The following ADAMTS18 variants were observed in gnomAD, a reference collection of about 807,000 sequenced individuals.
ADAMTS18 encodes ADAM metallopeptidase with thrombospondin type 1 motif 18, also known as A disintegrin and metalloproteinase with thrombospondin motifs 18.
ADAMTS18 carries 157 observed loss-of-function variants against 165.9 expected under a neutral mutation model. That is an observed-to-expected ratio of 0.95 (90% confidence interval 0.83 to 1.08). The LOEUF is 1.08. Among genes scored for constraint, ADAMTS18 ranks in the 50% least tolerant of loss-of-function variants. ADAMTS18 has a pLI of 0.00. For missense variants in ADAMTS18, 2,040 were observed against 1,534.0 expected (o/e 1.33, Z -5.51); for synonymous variants, 782 against 578.2 (o/e 1.35, Z -5.06).
intron 3 of ADAMTS18, among the ~76,000 whole-genome samples, chr16:77,426,924 G>A (rs1225147727): frequency 1.3e-5 from 2 of 152,172 alleles, no homozygotes; most frequent in Non-Finnish European, 2.9e-5. Flanking sequence ...TGAGTTGGGA[G>A]TATTGCTTAA....
intron 2 of ADAMTS18, among the ~76,000 whole-genome samples, chr16:77,433,621 C>T (rs2057764648): frequency 6.6e-6 from 1 of 152,120 alleles, no homozygotes; most frequent in Non-Finnish European, 1.5e-5. Flanking sequence ...TCCATCCTGC[C>T]CCACTCCCCA....
At chr16:77,335,313 G>C (rs930796073) in intron 12 of ADAMTS18, among the ~76,000 whole-genome samples, 1 of 151,014 alleles carries the variant, frequency 6.6e-6, no homozygotes, top group Non-Finnish European at 1.5e-5. Context: ...TAGAGCTAGA[G>C]AGTGCATTGA....
intron 16 of ADAMTS18, among the ~76,000 whole-genome samples, chr16:77,303,700 A>C (rs910553698): frequency 1.1e-4 from 16 of 152,158 alleles, no homozygotes; most frequent in African/African-American, 3.9e-4. Context: ...AGACAGATTC[A>C]TATATTAAAA....
intron 10 of ADAMTS18, among the ~76,000 whole-genome samples, chr16:77,344,967 A>T (rs1394628593): frequency 2.6e-5 from 4 of 152,134 alleles, no homozygotes; most frequent in Non-Finnish European, 5.9e-5. Context: ...TATTCAAATA[A>T]CTTTCCCTTA....
intron 10 of ADAMTS18, among the ~76,000 whole-genome samples, chr16:77,353,476 T>C (rs932011307): frequency 2.0e-5 from 3 of 152,130 alleles, no homozygotes; most frequent in East Asian, 1.9e-4. Context: ...GGTTTACTAG[T>C]AGGGATAAAG....
intron 19 of ADAMTS18, 117 bp downstream of exon 19, chr16:77,294,806 C>T: frequency 9.8e-7 from 1 of 1,015,582 alleles, no homozygotes; most frequent in East Asian, 2.6e-5. Context: ...GGCACATGAA[C>T]TCAGGGTGAT....
chr16:77,353,373 G>T (rs1183086649), intron 10 of ADAMTS18, among the ~76,000 whole-genome samples: 1 of 152,172 alleles, frequency 6.6e-6, no homozygotes, highest in Non-Finnish European at 1.5e-5. Context: ...ATTTGGGTAT[G>T]GTGATGATTT....
intron 12 of ADAMTS18, among the ~76,000 whole-genome samples, chr16:77,332,066 A>G (rs1490408020): frequency 6.6e-6 from 1 of 152,192 alleles, no homozygotes; most frequent in African/African-American, 2.4e-5. Flanking sequence ...CTCAGTTGAC[A>G]TAGGTACTAT....
chr16:77,367,387 A>T, intron 4 of ADAMTS18, 54 bp downstream of exon 4: 1 of 1,610,508 alleles, frequency 6.2e-7, no homozygotes, highest in Non-Finnish European at 8.5e-7. Flanking sequence ...AGCACTCAGG[A>T]AAACCTGTCG....
chr16:77,433,023 A>G (rs1031706526), intron 2 of ADAMTS18, among the ~76,000 whole-genome samples: 14 of 152,196 alleles, frequency 9.2e-5, no homozygotes, highest in African/African-American at 3.4e-4. Flanking sequence ...ATATTTTACA[A>G]TAATGGGGGG....
rs539911989 is a variant in ADAMTS18 at position 77,412,462 on chromosome 16, C to G, written c.495+18833G>C. ...GCCTCAGCCTACCAAGTAGCTAGTACTACAGAAGTATGCCACCATACCCAG... is the reference window on the plus strand; with the variant it reads ...GCCTCAGCCTACCAAGTAGCTAGTAGTACAGAAGTATGCCACCATACCCAG... On this transcript the variant is annotated intron_variant, in intron 3 of 22. Coordinates refer to ENST00000282849, the MANE Select transcript of ADAMTS18 (RefSeq NM_199355.4). 5.9e-5 allele frequency among the ~76,000 whole-genome samples: 9 copies of G among 152,264 alleles called. No individual in the cohort carries two copies. The South Asian group carries it at 1.7e-3, about 28-fold the overall frequency.
chr16:77,392,912 G>C (rs1485230377), intron 3 of ADAMTS18, among the ~76,000 whole-genome samples: 1 of 152,148 alleles, frequency 6.6e-6, no homozygotes, highest in Non-Finnish European at 1.5e-5. Context: ...GACTTGATGA[G>C]TGGGCTGGCA....
intron 3 of ADAMTS18, among the ~76,000 whole-genome samples, chr16:77,412,824 G>C (rs145461094): frequency 6.6e-6 from 1 of 152,156 alleles, no homozygotes; most frequent in Non-Finnish European, 1.5e-5. Flanking sequence ...ACAACACATA[G>C]AAATTATGGG....
chr16:77,363,579 C>T (rs1007706341), intron 6 of ADAMTS18, among the ~76,000 whole-genome samples: 1 of 150,730 alleles, frequency 6.6e-6, no homozygotes, highest in African/African-American at 2.4e-5. Flanking sequence ...TTTATGTATA[C>T]ATATGCATAT....
At chr16:77,287,124 T>C (rs1016478300) in intron 22 of ADAMTS18, among the ~76,000 whole-genome samples, 1 of 152,106 alleles carries the variant, frequency 6.6e-6, no homozygotes, top group African/African-American at 2.4e-5. Context: ...TAGAAACTTC[T>C]ACCCAAGTGG....
At chr16:77,424,167 C>T (rs887870330) in intron 3 of ADAMTS18, among the ~76,000 whole-genome samples, 7 of 151,184 alleles carry the variant, frequency 4.6e-5, no homozygotes, top group African/African-American at 1.7e-4. Flanking sequence ...AGTGGTCATA[C>T]CCGAAAAGGC....
At chr16:77,406,535 G>A (rs1199923442) in intron 3 of ADAMTS18, among the ~76,000 whole-genome samples, 1 of 152,014 alleles carries the variant, frequency 6.6e-6, no homozygotes, top group African/African-American at 2.4e-5. Context: ...TTGGGGGAAG[G>A]GGAGGACTGT....
chr16:77,338,478 A>T (rs8049614), intron 11 of ADAMTS18, among the ~76,000 whole-genome samples: 3,163 of 151,482 alleles, frequency 0.021, 110 homozygotes, highest in African/African-American at 0.073. Flanking sequence ...CTAAAGTGAT[A>T]TGCCCGCCGA....
At chr16:77,373,042 G>A (rs903726640) in intron 3 of ADAMTS18, among the ~76,000 whole-genome samples, 15 of 152,084 alleles carry the variant, frequency 9.9e-5, no homozygotes, top group African/African-American at 3.1e-4. Flanking sequence ...TTTGAACCTA[G>A]TAACTTCTTC....
Sources: gnomAD v4.1 joint callset for allele counts (sites outside exome capture counted in the v4.1 genomes callset) on GRCh38, gnomAD v4.1.1 for gene constraint, MANE v1.5 for transcripts, NCBI Gene and HGNC (gene_info 2026-07-23, HGNC 2026-07-21) for gene names.